Variants in PPP4C observed in about 807,000 individuals in gnomAD.
PPP4C encodes serine/threonine-protein phosphatase 4 catalytic subunit.
In PPP4C, 10 loss-of-function variants were observed where a neutral mutation model predicts 40.5. The observed-to-expected ratio is 0.25, with a 90% CI of 0.15 to 0.42. PPP4C has a LOEUF of 0.42. PPP4C is among the 10% of genes least tolerant of loss of function. The probability of loss-of-function intolerance (pLI) is 1.00; values close to 1 mark genes in which losing one functional copy is unlikely to be tolerated. For synonymous variants in PPP4C, 187 were observed against 163.6 expected, an observed-to-expected ratio of 1.14 and a Z score of -1.09; for missense variants, 191 against 416.4, an observed-to-expected ratio of 0.46 and a Z score of 4.71.
In PPP4C at chr16:30,083,611, C is replaced by T; in HGVS notation, c.477+44C>T. On this transcript the variant is annotated intron_variant, in intron 6 of 8. Coordinates refer to ENST00000279387, the MANE Select transcript of PPP4C (RefSeq NM_002720.3). The surrounding 1 kb of genome is among the most constrained non-coding windows in gnomAD (Gnocchi z 6.3). ...CCATGGGACAGGGAGAGGAGGGGGG[C>T]TTCAGGCCTCAGCCCCGTCCTCTTT... is the stretch of plus-strand genomic sequence containing the variant. The T allele has an allele frequency of 6.2e-7, 1 of 1,613,824 alleles. No homozygotes were observed. Among genetic ancestry groups the T allele is most frequent in the Non-Finnish European group, 8.5e-7 (1 of 1,179,766 alleles).
Position 30,081,300 on chromosome 16 carries a change from C to T in PPP4C, c.140C>T (p.Ser47Leu), listed in dbSNP as rs773233122. 4 of 1,613,486 alleles carry T rather than the reference C, an allele frequency of 2.5e-6. No homozygotes were observed. The highest frequency in any genetic ancestry group is 2.2e-5 in the East Asian group (1 of 44,886). The change falls in exon 3 of 9, where the codon TCG becomes TTG. Residue 47 changes from serine (S) to leucine (L), a missense_variant. Physicochemically the swap from Ser to Leu is moderately radical, Grantham distance 145. Transcript: ENST00000279387. ...GAGAGCAACGTGCAGAGGGTGGACT[C>T]GCCAGTCACAGTGAGTACCTGCTGT... Reference protein sequence around the residue: ...VEESNVQRVDSPVTVCGDIHG... With the variant: ...VEESNVQRVDLPVTVCGDIHG...
intron 3 of PPP4C, 102 bp from the exon 4 acceptor site, chr16:30,082,382 C>A: frequency 7.9e-7 from 1 of 1,260,590 alleles, no homozygotes; most frequent in Non-Finnish European, 1.2e-6. Flanking sequence ...AGTAGAAGTG[C>A]AGCCAAGAGT....
At chr16:30,082,723 C>G (rs780138095) in intron 4 of PPP4C, 23 bp from the exon 5 acceptor site, 22 of 1,605,768 alleles carry the variant, frequency 1.4e-5, no homozygotes, top group Middle Eastern at 1.7e-4. Flanking sequence ...TACGACAGGG[C>G]AAAACTTTCT....
chr16:30,081,440 G>A (rs2072504785), intron 3 of PPP4C, 130 bp downstream of exon 3: 1 of 744,160 alleles, frequency 1.3e-6, no homozygotes. Flanking sequence ...CTTCAACGGA[G>A]CACTGCTAAA....
At chr16:30,082,889 C>T (rs780232071) in intron 5 of PPP4C, 42 bp downstream of exon 5, 64 of 1,541,314 alleles carry the variant, frequency 4.2e-5, no homozygotes, top group Middle Eastern at 1.7e-4. Flanking sequence ...TGGGCGACCT[C>T]GGGCCGGGCC....
At chr16:30,081,742 C>CA (rs61531115) in intron 3 of PPP4C, 5,663 of 133,264 alleles carry the variant, frequency 0.042, 371 homozygotes, top group African/African-American at 0.15. Context: ...GACTCCGTCT[C>CA]AAAAAAAAAC....
intron 4 of PPP4C, 83 bp from the exon 5 acceptor site, chr16:30,082,663 G>A: frequency 1.6e-5 from 25 of 1,531,536 alleles, no homozygotes; most frequent in Non-Finnish European, 2.2e-5. Flanking sequence ...GGGTGGTTGT[G>A]GAAGAAGGGC....
At chr16:30,081,388 A>G (rs571278025) in intron 3 of PPP4C, 78 bp downstream of exon 3, 84 of 1,217,412 alleles carry the variant, frequency 6.9e-5, no homozygotes, top group Admixed American at 1.0e-4. Flanking sequence ...TGGGGGCTCT[A>G]TAAGCCCAAC....
At chr16:30,077,625 A>G (rs187760772) in intron 2 of PPP4C, among the ~76,000 whole-genome samples, 1 of 152,340 alleles carries the variant, frequency 6.6e-6, no homozygotes, top group Admixed American at 6.5e-5. Context: ...TTGTGGCAGA[A>G]GAGCCCACAG....
intron 2 of PPP4C, among the ~76,000 whole-genome samples, chr16:30,080,463 C>T (rs942205229): frequency 4.7e-5 from 7 of 150,030 alleles, no homozygotes; most frequent in African/African-American, 1.7e-4. Context: ...TTTAAGTCCT[C>T]ATAGTCATAA....
At chr16:30,082,709 T>A in intron 4 of PPP4C, 37 bp from the exon 5 acceptor site, 1 of 1,586,684 alleles carries the variant, frequency 6.3e-7, no homozygotes. Context: ...GGTAGGGGAC[T>A]GTTTACGACA....
At position 30,076,017 on chromosome 16, in the gene PPP4C, C is replaced by T; in HGVS notation, c.-141C>T. The T allele has an allele frequency of 1.4e-5, 5 of 369,136 alleles. No individual in the cohort carries two copies. The highest frequency in any genetic ancestry group is 2.7e-5 in the South Asian group (1 of 37,002). The allele number at this position is 369,136 out of a possible 1,614,324, so 22.9% of individuals were successfully genotyped here. ...GGGCCGGAAGTAGGAGCGGCGGCGG[C>T]GGCGGCGGCGGCGGTCGAAAGCGGA... On this transcript the variant is annotated 5_prime_UTR_variant, in exon 1 of 9. Transcript: ENST00000279387.
chr16:30,077,795 C>G (rs1044186236), intron 2 of PPP4C, among the ~76,000 whole-genome samples: 1 of 152,200 alleles, frequency 6.6e-6, no homozygotes, highest in Non-Finnish European at 1.5e-5. Context: ...AGCCATGACT[C>G]GTAGAGGTCT....
In PPP4C at chr16:30,085,148, G is replaced by C; in HGVS notation, c.*86G>C. The C allele has an allele frequency of 3.6e-6, 5 of 1,398,358 alleles. No homozygotes were observed. Among genetic ancestry groups the C allele is most frequent in the Admixed American group, 2.1e-5 (1 of 46,888 alleles). 86.6% of individuals were successfully genotyped at this position (1,398,358 alleles called of 1,614,324 possible). On this transcript the variant is annotated 3_prime_UTR_variant, in exon 9 of 9. Transcript: ENST00000279387. ...TCTTCCTCAGACGGAGGCTGGGCGTGGGGGGGGCTGTCCTGGCTCTGCTGT... is the reference window on the plus strand; with the variant it reads ...TCTTCCTCAGACGGAGGCTGGGCGTCGGGGGGGCTGTCCTGGCTCTGCTGT...
chr16:30,084,021 G>A (rs1288358537), intron 7 of PPP4C, among the ~76,000 whole-genome samples: 3 of 152,220 alleles, frequency 2.0e-5, no homozygotes, highest in African/African-American at 7.2e-5. Context: ...CTTAGAACAT[G>A]ACAGCAGCTT....
At chr16:30,080,744 A>G (rs749970762) in intron 2 of PPP4C, among the ~76,000 whole-genome samples, 6 of 152,112 alleles carry the variant, frequency 3.9e-5, no homozygotes, top group Non-Finnish European at 8.8e-5. Flanking sequence ...TGACCTCGTG[A>G]TCTGCCCACC....
At chr16:30,077,186 G>T (rs1190551183) in intron 2 of PPP4C, among the ~76,000 whole-genome samples, 9 of 152,170 alleles carry the variant, frequency 5.9e-5, no homozygotes, top group Admixed American at 5.2e-4. Context: ...GATGGCTCTA[G>T]GTTTGAATCT....
At chr16:30,080,486 C>T (rs1036529817) in intron 2 of PPP4C, among the ~76,000 whole-genome samples, 1 of 149,092 alleles carries the variant, frequency 6.7e-6, no homozygotes, top group African/African-American at 2.5e-5. Flanking sequence ...AAATACTGAA[C>T]ACATGGCAAG....
chr16:30,083,604 A>AG lies in PPP4C; in HGVS notation c.477+43dup, dbSNP rs751758801. On this transcript the variant is annotated intron_variant, in intron 6 of 8. Transcript: ENST00000279387. This position sits in a 1 kb window ranked among gnomAD's most constrained non-coding sequence, Gnocchi z 6.3. ...CAGGGCTCCATGGGACAGGGAGAGG[A>AG]GGGGGGCTTCAGGCCTCAGCCCCGT... The AG allele has an allele frequency of 5.0e-6, 8 of 1,613,592 alleles. No individual in the cohort carries two copies. Among genetic ancestry groups the AG allele is most frequent in the African/African-American group, 1.3e-5 (1 of 74,888 alleles).
Sources: allele counts gnomAD v4.1 joint callset (sites outside exome capture counted in the v4.1 genomes callset), GRCh38; gene constraint gnomAD v4.1.1; non-coding constraint Gnocchi (gnomAD v3.1); transcripts MANE v1.5; gene names NCBI Gene and HGNC (gene_info 2026-07-23, HGNC 2026-07-21).